The following CAST variants were observed in gnomAD, a reference collection of about 807,000 sequenced individuals.
CAST encodes the protein calpastatin.
In CAST, 76 loss-of-function variants were observed where a neutral mutation model predicts 119.6. The ratio of observed to expected loss-of-function variants is 0.64; its 90% CI spans 0.53 to 0.77. CAST has a LOEUF of 0.77. CAST is among the 30% of genes least tolerant of loss of function. The pLI, the probability that CAST is intolerant of heterozygous loss-of-function variation, is 0.00. For synonymous variants in CAST, 319 were observed against 331.6 expected (o/e 0.96, Z 0.41); for missense variants, 953 against 946.5 (o/e 1.01, Z -0.09).
the CAST span, among the ~76,000 whole-genome samples, chr5:96,212,977 G>C: frequency 6.6e-6 from 1 of 151,968 alleles, no homozygotes; most frequent in African/African-American, 2.4e-5. Context: ...AAATTAGCCG[G>C]GCATGGTGGT....
intron 1 of CAST, among the ~76,000 whole-genome samples, chr5:96,641,108 G>C (rs576378957): frequency 6.6e-6 from 1 of 152,276 alleles, no homozygotes; most frequent in African/African-American, 2.4e-5. Flanking sequence ...AATGATGTTT[G>C]CCTTTAAAGG....
chr5:96,724,566 C>T (rs1758900967), intron 4 of CAST, among the ~76,000 whole-genome samples: 1 of 152,156 alleles, frequency 6.6e-6, no homozygotes, highest in African/African-American at 2.4e-5. Flanking sequence ...CATAGTGGCC[C>T]ACACCTATAA....
chr5:96,604,936 G>A (rs17086354), intron 1 of CAST, among the ~76,000 whole-genome samples: 2,978 of 152,260 alleles, frequency 0.02, 109 homozygotes, highest in African/African-American at 0.068. Context: ...CCAGGCAAAC[G>A]AAGATGGAAA....
intron 16 of CAST, among the ~76,000 whole-genome samples, chr5:96,744,514 C>G (rs1581232882): frequency 6.6e-6 from 1 of 152,198 alleles, no homozygotes; most frequent in Admixed American, 6.5e-5. Flanking sequence ...CTGGGTCCCT[C>G]CCACGACACG....
the CAST span, among the ~76,000 whole-genome samples, chr5:96,127,169 T>G: frequency 1.3e-5 from 2 of 152,252 alleles, no homozygotes; most frequent in Non-Finnish European, 2.9e-5. Context: ...CAATCACCTC[T>G]GATAATTTTA....
the CAST span, among the ~76,000 whole-genome samples, chr5:96,120,261 G>T: frequency 6.6e-6 from 1 of 152,022 alleles, no homozygotes; most frequent in African/African-American, 2.4e-5. Context: ...TCTACTGTTG[G>T]GTATGAGCCA....
chr5:96,551,553 A>G (rs1034634918), intron 1 of CAST, among the ~76,000 whole-genome samples: 1 of 152,202 alleles, frequency 6.6e-6, no homozygotes, highest in African/African-American at 2.4e-5. Context: ...GAAAGGATCA[A>G]ATTCACACAT....
At chr5:96,453,117 T>C in the CAST span, among the ~76,000 whole-genome samples, 2 of 151,978 alleles carry the variant, frequency 1.3e-5, no homozygotes, top group Non-Finnish European at 2.9e-5. Flanking sequence ...AGGCATACAC[T>C]AAAATGGACC....
rs201320521 is a variant in CAST, at chr5:96,746,328, T to C, written c.1201-14T>C. The C allele has an allele frequency of 5.3e-5, 81 of 1,527,534 alleles. No homozygotes were observed. Among genetic ancestry groups the C allele is most frequent in the Non-Finnish European group, 7.4e-5 (81 of 1,101,560 alleles). The allele number at this position is 1,527,534 out of a possible 1,614,324, so 94.6% of individuals were successfully genotyped here. Reference sequence around the variant, plus strand: ...TTATCCAACTACTTTTTTTTTCCCCTCCATTTTCATCAGGCAAAAGCTAAA... The same window carrying C: ...TTATCCAACTACTTTTTTTTTCCCCCCCATTTTCATCAGGCAAAAGCTAAA... On this transcript the variant is annotated splice_polypyrimidine_tract_variant and intron_variant, in intron 16 of 31. Transcript: ENST00000675179.
the CAST span, among the ~76,000 whole-genome samples, chr5:96,369,148 T>C: frequency 6.6e-6 from 1 of 151,624 alleles, no homozygotes; most frequent in African/African-American, 2.4e-5. Context: ...ATATTTTATA[T>C]ATTTTTTCTA....
the CAST span, among the ~76,000 whole-genome samples, chr5:96,305,131 A>G: frequency 6.6e-6 from 1 of 152,122 alleles, no homozygotes. Flanking sequence ...TTCGTTGAGT[A>G]GTGGTTTGTA....
At chr5:96,162,065 A>G in the CAST span, among the ~76,000 whole-genome samples, 2 of 152,170 alleles carry the variant, frequency 1.3e-5, no homozygotes, top group Admixed American at 6.5e-5. Context: ...TAAACAGAGA[A>G]CTTACACTTC....
the CAST span, among the ~76,000 whole-genome samples, chr5:96,198,276 T>A: frequency 2.0e-5 from 3 of 152,200 alleles, no homozygotes; most frequent in African/African-American, 7.2e-5. Flanking sequence ...ACCTCTCACT[T>A]AGGCTGTTTT....
the CAST span, among the ~76,000 whole-genome samples, chr5:96,451,339 T>A: frequency 6.6e-6 from 1 of 152,204 alleles, no homozygotes; most frequent in South Asian, 2.1e-4. Context: ...AGAAAACTAG[T>A]GCCTTTCAGA....
the CAST span, among the ~76,000 whole-genome samples, chr5:96,268,582 C>A: frequency 6.6e-6 from 1 of 151,970 alleles, no homozygotes; most frequent in Non-Finnish European, 1.5e-5. Context: ...GGCAACAGAG[C>A]AAGATCCTAT....
At chr5:96,325,412 CTCTT>C in the CAST span, among the ~76,000 whole-genome samples, 8 of 148,132 alleles carry the variant, frequency 5.4e-5, no homozygotes, top group African/African-American at 2.0e-4. Flanking sequence ...CTTTCTTTCT[CTCTT>C]TCTTTCCTTC....
At chr5:96,329,026 AT>A in the CAST span, among the ~76,000 whole-genome samples, 1 of 152,230 alleles carries the variant, frequency 6.6e-6, no homozygotes, top group Non-Finnish European at 1.5e-5. Context: ...CAAGAATCAT[AT>A]CTTAAATTTT....
chr5:96,567,838 T>A (rs1015250079), intron 1 of CAST, among the ~76,000 whole-genome samples: 12 of 152,178 alleles, frequency 7.9e-5, no homozygotes, highest in African/African-American at 2.9e-4. Context: ...AGACAGGGGA[T>A]GACAGGGACA....
upstream of CAST, chr5:96,525,219 A>T (rs1441595909): frequency 6.6e-6 from 1 of 152,124 alleles, no homozygotes; most frequent in Non-Finnish European, 1.5e-5. Context: ...TTTTTGTTTG[A>T]GCTGAATTAC....
Sources: gnomAD v4.1 joint callset for allele counts (sites outside exome capture counted in the v4.1 genomes callset) on GRCh38, gnomAD v4.1.1 for gene constraint, MANE v1.5 for transcripts, NCBI Gene and HGNC (gene_info 2026-07-23, HGNC 2026-07-21) for gene names.